Variants in KCNMA1 observed in about 807,000 individuals in gnomAD.
KCNMA1 encodes potassium calcium-activated channel subfamily M alpha 1, also known as Calcium-activated potassium channel subunit alpha-1.
A neutral mutation model predicts 140.0 loss-of-function variants in KCNMA1; 29 were observed. The observed-to-expected ratio is 0.21, with a 90% CI of 0.15 to 0.28. KCNMA1 has a LOEUF of 0.28. KCNMA1 is among the 10% of genes least tolerant of loss of function. The probability of loss-of-function intolerance (pLI) is 1.00; values close to 1 mark genes in which losing one functional copy is unlikely to be tolerated. For missense variants in KCNMA1, 880 were observed against 1,602.2 expected, an observed-to-expected ratio of 0.55 and a Z score of 7.70; for synonymous variants, 612 against 611.9, an observed-to-expected ratio of 1.00 and a Z score of 0.00.
intron 1 of KCNMA1, among the ~76,000 whole-genome samples, chr10:77,525,987 A>G (rs1441391966): frequency 6.6e-6 from 1 of 152,200 alleles, no homozygotes; most frequent in Non-Finnish European, 1.5e-5. Flanking sequence ...TGGGAGAAGT[A>G]TCGGGGGCTT....
intron 23 of KCNMA1, among the ~76,000 whole-genome samples, chr10:76,934,794 C>A (rs2060128184): frequency 6.6e-6 from 1 of 152,202 alleles, no homozygotes; most frequent in African/African-American, 2.4e-5. Flanking sequence ...GGTTTCCCCA[C>A]TATAAGACAA....
chr10:77,593,525 A>C (rs1235736133), intron 1 of KCNMA1, among the ~76,000 whole-genome samples: 1 of 152,238 alleles, frequency 6.6e-6, no homozygotes, highest in Admixed American at 6.5e-5. Flanking sequence ...TGGAAATGGT[A>C]ATTGTTACTA....
chr10:76,918,918 T>TCACACACACACA (rs71477059), intron 23 of KCNMA1, among the ~76,000 whole-genome samples: 266 of 144,246 alleles, frequency 1.8e-3, no homozygotes, highest in African/African-American at 5.8e-3. Context: ...ATATATCACA[T>TCACACACACACA]CACACACACA....
At chr10:77,539,336 A>G (rs1262451508) in intron 1 of KCNMA1, among the ~76,000 whole-genome samples, 5 of 152,222 alleles carry the variant, frequency 3.3e-5, no homozygotes, top group African/African-American at 1.2e-4. Flanking sequence ...ATCAAAACCT[A>G]TGAGTCATCT....
At chr10:77,577,565 C>G (rs1328896218) in intron 1 of KCNMA1, among the ~76,000 whole-genome samples, 1 of 152,176 alleles carries the variant, frequency 6.6e-6, no homozygotes, top group Non-Finnish European at 1.5e-5. Context: ...CCAGGCAACT[C>G]TAAACTACAT....
At chr10:77,086,697 G>T (rs1385710367) in intron 10 of KCNMA1, 104 bp from the exon 11 acceptor site, 2 of 792,376 alleles carry the variant, frequency 2.5e-6, no homozygotes, top group Non-Finnish European at 2.2e-6. Flanking sequence ...CTGGGGAGAG[G>T]CTGTGACCTA....
At chr10:77,308,060 C>T (rs1410992554) in intron 2 of KCNMA1, among the ~76,000 whole-genome samples, 2 of 152,138 alleles carry the variant, frequency 1.3e-5, no homozygotes, top group East Asian at 1.9e-4. Context: ...GCATACCCAG[C>T]GACAAGGTGC....
At chr10:77,149,915 G>C (rs908876596) in intron 5 of KCNMA1, 3 of 152,176 alleles carry the variant, frequency 2.0e-5, no homozygotes, top group Non-Finnish European at 4.4e-5. Flanking sequence ...AGTCCTCGCA[G>C]CATATGACTT....
intron 5 of KCNMA1, among the ~76,000 whole-genome samples, chr10:77,130,318 G>A (rs1016685998): frequency 6.6e-5 from 10 of 152,230 alleles, no homozygotes; most frequent in Middle Eastern, 3.4e-3. Flanking sequence ...TATGCTTTGC[G>A]TTAGATGATT....
intron 22 of KCNMA1, among the ~76,000 whole-genome samples, chr10:76,947,528 A>AG (rs1184687654): frequency 6.6e-6 from 1 of 152,192 alleles, no homozygotes; most frequent in Non-Finnish European, 1.5e-5. Flanking sequence ...TTCAGAGGTC[A>AG]GGGGACTATG....
At chr10:77,497,285 C>T (rs1436344651) in intron 1 of KCNMA1, among the ~76,000 whole-genome samples, 1 of 152,220 alleles carries the variant, frequency 6.6e-6, no homozygotes, top group Non-Finnish European at 1.5e-5. Flanking sequence ...ATTTGCATAA[C>T]ATATTGAATG....
chr10:77,251,050 A>G (rs2059565858), intron 3 of KCNMA1, 145 bp downstream of exon 3: 1 of 704,064 alleles, frequency 1.4e-6, no homozygotes, highest in Non-Finnish European at 2.6e-6. Context: ...TTAGAAAATC[A>G]GTACAGTACA....
At chr10:77,379,221 C>A (rs1259497694) in intron 2 of KCNMA1, among the ~76,000 whole-genome samples, 3 of 152,174 alleles carry the variant, frequency 2.0e-5, no homozygotes, top group Admixed American at 1.3e-4. Context: ...CCCACTCTAT[C>A]AAGGACAACT....
chr10:77,556,315 G>T (rs1323569554), intron 1 of KCNMA1, among the ~76,000 whole-genome samples: 1 of 151,900 alleles, frequency 6.6e-6, no homozygotes, highest in Non-Finnish European at 1.5e-5. Context: ...GACCAGCCTG[G>T]CCAACATGGT....
chr10:77,025,543 T>C, intron 16 of KCNMA1: 1 of 1,111,810 alleles, frequency 9.0e-7, no homozygotes, highest in Admixed American at 2.0e-5. Flanking sequence ...AATAAAACCT[T>C]TGTTTCAAAT....
In KCNMA1 at chr10:77,369,234, A is replaced by G. The variant is rs975789235; in HGVS notation, c.540+34628T>C. ...GAATCTGCATCTTAACAAGAATCCC[A>G]GGTAATTTCCCTGTACATTAGAGTC... On this transcript the variant is annotated intron_variant, in intron 2 of 27. Coordinates refer to ENST00000286628, the MANE Select transcript of KCNMA1 (RefSeq NM_001161352.2). 2.6e-5 allele frequency among the ~76,000 whole-genome samples: 4 copies of G among 152,200 alleles called. No homozygotes were observed. The East Asian group carries it at 5.8e-4, about 22-fold the overall frequency.
chr10:76,902,691 T>C (rs2046020653), intron 25 of KCNMA1: 1 of 152,158 alleles, frequency 6.6e-6, no homozygotes, highest in African/African-American at 2.4e-5. Flanking sequence ...GATTTCCAAA[T>C]CCAATTAGTG....
intron 1 of KCNMA1, among the ~76,000 whole-genome samples, chr10:77,481,117 CA>C (rs200776955): frequency 0.24 from 31,960 of 131,888 alleles, 3,673 homozygotes; most frequent in East Asian, 0.54. Flanking sequence ...GACTCCATCT[CA>C]AAAAAAAAAA....
downstream of KCNMA1, chr10:76,877,718 A>G: frequency 6.5e-7 from 1 of 1,548,814 alleles, no homozygotes; most frequent in Non-Finnish European, 8.7e-7. Context: ...CTTTAAAAAA[A>G]TAGTTCTGGT....
Sources: allele counts gnomAD v4.1 joint callset (sites outside exome capture counted in the v4.1 genomes callset), GRCh38; gene constraint gnomAD v4.1.1; transcripts MANE v1.5; gene names NCBI Gene and HGNC (gene_info 2026-07-23, HGNC 2026-07-21).